Variants in PARD3B observed in about 807,000 individuals in gnomAD.
PARD3B encodes the protein partitioning defective 3 homolog B.
Under a neutral mutation model 130.2 loss-of-function variants are expected in PARD3B, and 103 were observed. That is an observed-to-expected ratio of 0.79 (90% CI 0.67 to 0.93). The LOEUF is 0.93. PARD3B is among the 40% of genes least tolerant of loss of function. PARD3B has a pLI of 0.00. For synonymous variants in PARD3B, 583 were observed against 553.2 expected (o/e 1.05, Z -0.76); for missense variants, 1,609 against 1,499.2 (o/e 1.07, Z -1.21).
At chr2:204,938,691 C>A (rs749844850) in intron 2 of PARD3B, among the ~76,000 whole-genome samples, 35 of 152,296 alleles carry the variant, frequency 2.3e-4, no homozygotes, top group African/African-American at 7.5e-4. Context: ...TCACCCTAGA[C>A]AAATTGAAGC....
intron 1 of PARD3B, among the ~76,000 whole-genome samples, chr2:204,587,303 G>C (rs1042441459): frequency 5.9e-5 from 9 of 152,136 alleles, no homozygotes; most frequent in African/African-American, 2.2e-4. Context: ...GGTTAATTCA[G>C]CTCAGATTGC....
intron 15 of PARD3B, among the ~76,000 whole-genome samples, chr2:205,194,774 A>C (rs1015531672): frequency 6.6e-6 from 1 of 151,704 alleles, no homozygotes; most frequent in African/African-American, 2.4e-5. Context: ...TTACATTTTA[A>C]TTTTATTATT....
chr2:205,580,985 C>G (rs2106568339), intron 22 of PARD3B, among the ~76,000 whole-genome samples: 1 of 152,206 alleles, frequency 6.6e-6, no homozygotes, highest in Middle Eastern at 3.4e-3. Context: ...TACCAGGATA[C>G]TTTTGGGAAT....
chr2:204,935,496 G>A (rs369692274), intron 2 of PARD3B, among the ~76,000 whole-genome samples: 40 of 151,684 alleles, frequency 2.6e-4, no homozygotes, highest in African/African-American at 4.8e-4. Context: ...CCAAGATGGC[G>A]CCACTGTACT....
intron 22 of PARD3B, among the ~76,000 whole-genome samples, chr2:205,567,354 G>T (rs1270802957): frequency 8.1e-5 from 9 of 111,278 alleles, no homozygotes; most frequent in African/African-American, 2.8e-4. Context: ...TTGCTCTGTC[G>T]CCCAGGATGG....
rs890984488 is a variant in PARD3B at position 205,456,795 on chromosome 2, AGTAT to A, written c.3044+16127_3044+16130del. 5.5e-3 allele frequency among the ~76,000 whole-genome samples: 830 copies of A among 150,318 alleles called. 5 individuals carry two copies. Among genetic ancestry groups the A allele is most frequent in the African/African-American group, 0.018 (759 of 41,252 alleles). The stretch of plus-strand genomic sequence containing the variant: ...ATAGTATATAATTAAATGTAGTCAT[AGTAT>A]GTAACTATTTTATATATTTTTAATT... On this transcript the variant is annotated intron_variant, in intron 20 of 22. Transcript: ENST00000406610.
intron 2 of PARD3B, among the ~76,000 whole-genome samples, chr2:204,772,864 T>C (rs757952813): frequency 1.3e-5 from 2 of 152,040 alleles, no homozygotes; most frequent in Admixed American, 6.6e-5. Context: ...GAGTGTATGC[T>C]AACTAGAGTG....
chr2:204,588,435 ATT>A (rs2032929971), intron 1 of PARD3B, among the ~76,000 whole-genome samples: 1 of 152,206 alleles, frequency 6.6e-6, no homozygotes, highest in South Asian at 2.1e-4. Context: ...GCTTACCATC[ATT>A]TAATGCTGGA....
At chr2:204,805,631 T>A (rs1285725531) in intron 2 of PARD3B, among the ~76,000 whole-genome samples, 1 of 152,012 alleles carries the variant, frequency 6.6e-6, no homozygotes, top group Non-Finnish European at 1.5e-5. Flanking sequence ...CAGGCCAATA[T>A]CCCTGATGAA....
intron 2 of PARD3B, among the ~76,000 whole-genome samples, chr2:204,879,779 T>TA (rs1454909598): frequency 2.6e-5 from 4 of 152,194 alleles, no homozygotes; most frequent in African/African-American, 9.7e-5. Context: ...CCTGTATTCT[T>TA]ACTTTTGGCT....
chr2:204,964,642 C>T (rs969435687), intron 2 of PARD3B, among the ~76,000 whole-genome samples: 3 of 152,088 alleles, frequency 2.0e-5, no homozygotes, highest in African/African-American at 4.8e-5. Flanking sequence ...TAAGTATTCA[C>T]ACAATGTATG....
At chr2:204,962,308 T>C (rs1690810293) in intron 2 of PARD3B, among the ~76,000 whole-genome samples, 2 of 152,140 alleles carry the variant, frequency 1.3e-5, no homozygotes, top group African/African-American at 2.4e-5. Context: ...CAATCCAACA[T>C]TGCCTGTTTG....
chr2:205,179,893 A>G (rs1455755800), intron 13 of PARD3B, among the ~76,000 whole-genome samples: 1 of 151,776 alleles, frequency 6.6e-6, no homozygotes, highest in African/African-American at 2.4e-5. Flanking sequence ...GCTAAAAAAT[A>G]CAATACAATA....
At chr2:205,211,008 T>C (rs1374772753) in intron 15 of PARD3B, among the ~76,000 whole-genome samples, 1 of 152,144 alleles carries the variant, frequency 6.6e-6, no homozygotes, top group African/African-American at 2.4e-5. Flanking sequence ...TGCTAATGAA[T>C]ACATTTGTGT....
At chr2:204,821,451 CA>C (rs895287991) in intron 2 of PARD3B, among the ~76,000 whole-genome samples, 9 of 149,634 alleles carry the variant, frequency 6.0e-5, no homozygotes, top group Non-Finnish European at 2.9e-5. Context: ...ATAGCAAGAA[CA>C]AAAAACCAAA....
chr2:204,800,443 CAG>C (rs1356741523), intron 2 of PARD3B, among the ~76,000 whole-genome samples: 1 of 151,358 alleles, frequency 6.6e-6, no homozygotes, highest in Non-Finnish European at 1.5e-5. Flanking sequence ...GAGAGAGAGA[CAG>C]AGATCTAGGT....
intron 2 of PARD3B, among the ~76,000 whole-genome samples, chr2:204,731,683 A>T (rs2039514488): frequency 6.6e-6 from 1 of 152,210 alleles, no homozygotes; most frequent in Non-Finnish European, 1.5e-5. Context: ...TACAATCATG[A>T]AAAATATGAA....
chr2:204,806,287 C>T (rs1390368498), intron 2 of PARD3B, among the ~76,000 whole-genome samples: 2 of 152,126 alleles, frequency 1.3e-5, no homozygotes, highest in Non-Finnish European at 2.9e-5. Context: ...GGCATAAAAA[C>T]AGACACATAG....
intron 3 of PARD3B, among the ~76,000 whole-genome samples, chr2:205,014,243 C>G (rs1695948582): frequency 6.6e-6 from 1 of 152,152 alleles, no homozygotes; most frequent in Non-Finnish European, 1.5e-5. Context: ...CAGTGAAAAC[C>G]AGAAATTTCC....
Sources: gnomAD v4.1 joint callset for allele counts (sites outside exome capture counted in the v4.1 genomes callset) on GRCh38, gnomAD v4.1.1 for gene constraint, MANE v1.5 for transcripts, NCBI Gene and HGNC (gene_info 2026-07-23, HGNC 2026-07-21) for gene names.